SEMA5A: variants seen among roughly 807,000 people sequenced by gnomAD.
The protein encoded by SEMA5A is semaphorin 5A.
A neutral mutation model predicts 135.5 loss-of-function variants in SEMA5A; 55 were observed. That is an observed-to-expected ratio of 0.41 (90% CI 0.33 to 0.51). SEMA5A has a LOEUF of 0.51. Ranked by LOEUF, SEMA5A falls within the 20% of genes least tolerant of loss-of-function variation. The pLI, the probability that SEMA5A is intolerant of heterozygous loss-of-function variation, is 0.37. For missense variants in SEMA5A, 1,290 were observed against 1,419.9 expected (o/e 0.91, Z 1.47); for synonymous variants, 580 against 546.5 (o/e 1.06, Z -0.85).
At chr5:9,523,362 T>A (rs966693807) in intron 1 of SEMA5A, among the ~76,000 whole-genome samples, 4 of 152,218 alleles carry the variant, frequency 2.6e-5, no homozygotes, top group African/African-American at 9.7e-5. Flanking sequence ...ATTATCTTAC[T>A]TAGGTTCATG....
At chr5:9,200,003 G>A (rs757633999) in intron 9 of SEMA5A, among the ~76,000 whole-genome samples, 8 of 152,160 alleles carry the variant, frequency 5.3e-5, no homozygotes, top group Non-Finnish European at 1.0e-4. Context: ...GCTCAGCCCA[G>A]TATCGGACAG....
intron 1 of SEMA5A, among the ~76,000 whole-genome samples, chr5:9,473,081 A>G (rs1579597621): frequency 6.8e-6 from 1 of 148,068 alleles, no homozygotes; most frequent in African/African-American, 2.5e-5. Context: ...GTTTATTTAC[A>G]TATGTACCCT....
chr5:9,169,579 G>A (rs537595727), intron 11 of SEMA5A, among the ~76,000 whole-genome samples: 1 of 152,290 alleles, frequency 6.6e-6, no homozygotes, highest in South Asian at 2.1e-4. Context: ...AGATGGGCTT[G>A]CTCACCTGAC....
chr5:9,513,754 C>T (rs1289333706), intron 1 of SEMA5A, among the ~76,000 whole-genome samples: 1 of 152,260 alleles, frequency 6.6e-6, no homozygotes, highest in East Asian at 1.9e-4. Flanking sequence ...TAATTATCCC[C>T]TTATTTGAAT....
At chr5:9,177,263 G>A (rs890673806) in intron 11 of SEMA5A, among the ~76,000 whole-genome samples, 6 of 152,140 alleles carry the variant, frequency 3.9e-5, no homozygotes, top group African/African-American at 1.4e-4. Flanking sequence ...TTGGAACCTG[G>A]TTACCCTAAA....
At chr5:9,050,701 A>G (rs762515026) in intron 20 of SEMA5A, among the ~76,000 whole-genome samples, 2 of 152,196 alleles carry the variant, frequency 1.3e-5, no homozygotes, top group Non-Finnish European at 2.9e-5. Context: ...AGATAATGCT[A>G]TGGTCTCTCA....
At chr5:9,474,492 A>C (rs145386024) in intron 1 of SEMA5A, among the ~76,000 whole-genome samples, 14 of 152,182 alleles carry the variant, frequency 9.2e-5, no homozygotes, top group African/African-American at 3.4e-4. Flanking sequence ...TGCTTAAAAA[A>C]AAAAAAATAG....
chr5:9,246,232 A>T (rs980657097), intron 5 of SEMA5A, among the ~76,000 whole-genome samples: 1 of 149,924 alleles, frequency 6.7e-6, no homozygotes, highest in Non-Finnish European at 1.5e-5. Context: ...TAGCGAAAAA[A>T]ATCAAATCAC....
chr5:9,085,052 G>A (rs1017981980), intron 16 of SEMA5A, among the ~76,000 whole-genome samples: 1 of 152,154 alleles, frequency 6.6e-6, no homozygotes, highest in African/African-American at 2.4e-5. Context: ...GGATTTTGAA[G>A]TTGAGGGAGA....
chr5:9,518,963 A>T (rs1178938907), intron 1 of SEMA5A, among the ~76,000 whole-genome samples: 3 of 152,076 alleles, frequency 2.0e-5, no homozygotes, highest in Non-Finnish European at 4.4e-5. Flanking sequence ...TCATTTGGGG[A>T]TACCTGCTAC....
At position 9,066,489 on chromosome 5, in the gene SEMA5A, TC is replaced by T. The variant is rs1330034831; in HGVS notation, c.2230del (p.Glu744LysfsTer120). 6.2e-7 allele frequency: 1 copy of T among 1,614,052 alleles called. No homozygotes were observed. Among genetic ancestry groups the T allele is most frequent in the African/African-American group, 1.3e-5 (1 of 74,920 alleles). ...KARLADPNLL[E>X]VGRQRIEMRY... ...CATTTCGATTCTCTGTCTTCCCACT[TC>T]CAGCAAATTCGGATCAGCCAGGCGG... On this transcript the variant is annotated frameshift_variant, in exon 17 of 23. Coordinates refer to ENST00000382496, the MANE Select transcript of SEMA5A (RefSeq NM_003966.3). LOFTEE classifies it high-confidence loss of function.
chr5:9,427,939 A>C (rs1464591800), intron 2 of SEMA5A, among the ~76,000 whole-genome samples: 1 of 152,078 alleles, frequency 6.6e-6, no homozygotes, highest in Non-Finnish European at 1.5e-5. Flanking sequence ...ATCCAATTAT[A>C]AGGCTTTCTC....
intron 1 of SEMA5A, among the ~76,000 whole-genome samples, chr5:9,536,571 C>T (rs1737779745): frequency 6.6e-6 from 1 of 151,524 alleles, no homozygotes. Flanking sequence ...CGAGATCGCA[C>T]CACTGCACTC....
At chr5:9,318,449 T>C in intron 4 of SEMA5A, 32 bp from the exon 5 acceptor site, 1 of 1,567,882 alleles carries the variant, frequency 6.4e-7, no homozygotes, top group Non-Finnish European at 8.7e-7. Flanking sequence ...CAGTTTTATT[T>C]TTAATAGATC....
chr5:9,363,581 T>C (rs1472838582), intron 3 of SEMA5A, among the ~76,000 whole-genome samples: 1 of 152,190 alleles, frequency 6.6e-6, no homozygotes, highest in Non-Finnish European at 1.5e-5. Context: ...AGAAAGAGCA[T>C]TGCAGCATAA....
intron 3 of SEMA5A, among the ~76,000 whole-genome samples, chr5:9,371,219 A>C (rs1755121706): frequency 1.3e-5 from 2 of 152,190 alleles, no homozygotes; most frequent in Non-Finnish European, 2.9e-5. Context: ...CAATCTTATA[A>C]ATTATTTAAT....
intron 1 of SEMA5A, among the ~76,000 whole-genome samples, chr5:9,449,557 C>A (rs1265712010): frequency 6.6e-6 from 1 of 151,534 alleles, no homozygotes; most frequent in Non-Finnish European, 1.5e-5. Context: ...TGCACATGTA[C>A]CCTGGAACTT....
chr5:9,184,692 G>A (rs1236244023), intron 11 of SEMA5A, among the ~76,000 whole-genome samples: 1 of 152,090 alleles, frequency 6.6e-6, no homozygotes, highest in African/African-American at 2.4e-5. Flanking sequence ...GCTTATCTCT[G>A]TGAACTTCCT....
chr5:9,475,474 A>G (rs1211298489), intron 1 of SEMA5A, among the ~76,000 whole-genome samples: 1 of 152,244 alleles, frequency 6.6e-6, no homozygotes, highest in Non-Finnish European at 1.5e-5. Context: ...AATTTTGAGC[A>G]GGTCAAAGCA....
Sources: allele counts gnomAD v4.1 joint callset (sites outside exome capture counted in the v4.1 genomes callset), GRCh38; gene constraint gnomAD v4.1.1; transcripts MANE v1.5; gene names NCBI Gene and HGNC (gene_info 2026-07-23, HGNC 2026-07-21).